The following PCLO variants were observed in gnomAD, a reference collection of about 807,000 sequenced individuals.
PCLO encodes the protein piccolo presynaptic cytomatrix protein.
PCLO carries 82 observed loss-of-function variants against 427.5 expected under a neutral mutation model. That is an observed-to-expected ratio of 0.19 (90% CI 0.16 to 0.23). PCLO has a LOEUF of 0.23. Ranked by LOEUF, PCLO falls within the 10% of genes least tolerant of loss-of-function variation. The pLI, the probability that PCLO is intolerant of heterozygous loss-of-function variation, is 1.00. For synonymous variants in PCLO, 2,357 were observed against 2,155.4 expected (o/e 1.09, Z -2.59); for missense variants, 6,239 against 6,115.9 (o/e 1.02, Z -0.67).
chr7:82,909,254 C>CA (rs1226997844), intron 7 of PCLO, among the ~76,000 whole-genome samples: 1 of 151,912 alleles, frequency 6.6e-6, no homozygotes, highest in African/African-American at 2.4e-5. Context: ...TTCACAATCT[C>CA]AGAGCAAAAC....
At chr7:82,859,966 T>C (rs780390679) in intron 10 of PCLO, among the ~76,000 whole-genome samples, 28 of 152,004 alleles carry the variant, frequency 1.8e-4, no homozygotes, top group African/African-American at 3.6e-4. Flanking sequence ...AATAGAAGAA[T>C]TGATCAAGCA....
intron 10 of PCLO, among the ~76,000 whole-genome samples, chr7:82,853,300 T>A (rs1792713694): frequency 6.6e-6 from 1 of 152,120 alleles, no homozygotes; most frequent in African/African-American, 2.4e-5. Flanking sequence ...AGGCTCAATC[T>A]GCCTTCTAGC....
intron 22 of PCLO, among the ~76,000 whole-genome samples, chr7:82,772,377 G>T (rs191762473): frequency 1.6e-4 from 25 of 151,978 alleles, no homozygotes; most frequent in Admixed American, 1.4e-3. Context: ...GTATATCAGA[G>T]CCTCTATTAT....
intron 1 of PCLO, among the ~76,000 whole-genome samples, chr7:83,161,965 A>G (rs756122696): frequency 3.9e-5 from 6 of 152,234 alleles, no homozygotes; most frequent in Non-Finnish European, 7.3e-5. Context: ...GTTTAAACAG[A>G]GACAGGTAAA....
At chr7:82,925,394 G>C (rs1326577813) in intron 6 of PCLO, among the ~76,000 whole-genome samples, 1 of 152,050 alleles carries the variant, frequency 6.6e-6, no homozygotes, top group Non-Finnish European at 1.5e-5. Context: ...TACAAATTAG[G>C]AAACATCCCT....
intron 22 of PCLO, among the ~76,000 whole-genome samples, chr7:82,772,541 C>A (rs1359062183): frequency 6.6e-6 from 1 of 151,822 alleles, no homozygotes; most frequent in Non-Finnish European, 1.5e-5. Flanking sequence ...TTGAAATAAC[C>A]CAGATTCAAC....
chr7:83,029,314 A>G (rs1417893095), intron 3 of PCLO, among the ~76,000 whole-genome samples: 1 of 151,994 alleles, frequency 6.6e-6, no homozygotes, highest in Non-Finnish European at 1.5e-5. Context: ...ATGAGCAGAC[A>G]CTTCTCAAAA....
chr7:83,023,622 A>G (rs1316696462), intron 3 of PCLO, among the ~76,000 whole-genome samples: 1 of 152,258 alleles, frequency 6.6e-6, no homozygotes, highest in African/African-American at 2.4e-5. Flanking sequence ...CTCAGTGTCA[A>G]GGCAAAGGAT....
chr7:82,893,597 GA>G (rs529305145), intron 9 of PCLO, among the ~76,000 whole-genome samples: 64 of 151,104 alleles, frequency 4.2e-4, no homozygotes, highest in South Asian at 1.7e-3. Flanking sequence ...AATAGAAAAA[GA>G]AAAAAAATAA....
chr7:82,814,113 G>C (rs978916168), intron 20 of PCLO, among the ~76,000 whole-genome samples: 31 of 151,674 alleles, frequency 2.0e-4, no homozygotes, highest in Non-Finnish European at 4.3e-4. Context: ...GAAGCAGCTT[G>C]ATTAAAGCTG....
chr7:82,889,680 A>G (rs1793711486), intron 9 of PCLO, among the ~76,000 whole-genome samples: 1 of 152,114 alleles, frequency 6.6e-6, no homozygotes, highest in Admixed American at 6.6e-5. Flanking sequence ...TCATTGCAGC[A>G]TTGTTTATAA....
chr7:82,829,102 T>C (rs1792026140), intron 16 of PCLO, among the ~76,000 whole-genome samples: 1 of 152,148 alleles, frequency 6.6e-6, no homozygotes, highest in Non-Finnish European at 1.5e-5. Flanking sequence ...AATTTACCTA[T>C]ACATTGTAGA....
At chr7:82,899,275 A>G (rs1291229510) in intron 9 of PCLO, among the ~76,000 whole-genome samples, 1 of 151,500 alleles carries the variant, frequency 6.6e-6, no homozygotes, top group Non-Finnish European at 1.5e-5. Flanking sequence ...TAGGATTTTT[A>G]TTGAGCAGAA....
chr7:82,769,068 G>C (rs115831947), intron 22 of PCLO, among the ~76,000 whole-genome samples: 3,842 of 152,148 alleles, frequency 0.025, 160 homozygotes, highest in African/African-American at 0.086. Flanking sequence ...TAAGTCTAAG[G>C]CTCCATTCTC....
chr7:82,980,797 G>A (rs755880197), intron 3 of PCLO, among the ~76,000 whole-genome samples: 6 of 152,112 alleles, frequency 3.9e-5, no homozygotes, highest in African/African-American at 7.2e-5. Flanking sequence ...GATTTATAGA[G>A]AATGTGATGA....
At chr7:83,004,097 G>T (rs975718234) in intron 3 of PCLO, among the ~76,000 whole-genome samples, 16 of 151,638 alleles carry the variant, frequency 1.1e-4, no homozygotes, top group African/African-American at 3.9e-4. Flanking sequence ...TCTCAATGAT[G>T]AAAAGCAAAA....
At chr7:83,127,185 T>C (rs560892520) in intron 3 of PCLO, among the ~76,000 whole-genome samples, 3 of 152,150 alleles carry the variant, frequency 2.0e-5, no homozygotes, top group African/African-American at 4.8e-5. Context: ...ACCTTATAAA[T>C]ACAACGATAC....
intron 3 of PCLO, among the ~76,000 whole-genome samples, chr7:82,994,744 G>A (rs955842849): frequency 6.6e-6 from 1 of 151,858 alleles, no homozygotes; most frequent in Non-Finnish European, 1.5e-5. Context: ...ATCACTTGAG[G>A]TGAAAAATGG....
At chr7:82,867,900 G>A (rs566770345) in intron 10 of PCLO, among the ~76,000 whole-genome samples, 2 of 152,218 alleles carry the variant, frequency 1.3e-5, no homozygotes, top group South Asian at 4.2e-4. Flanking sequence ...TCGTGATGTG[G>A]TGTGATATCA....
Sources: allele counts gnomAD v4.1 joint callset (sites outside exome capture counted in the v4.1 genomes callset), GRCh38; gene constraint gnomAD v4.1.1; transcripts MANE v1.5; gene names NCBI Gene and HGNC (gene_info 2026-07-23, HGNC 2026-07-21).